UNC79: variants seen among roughly 807,000 people sequenced by gnomAD.
UNC79 encodes protein unc-79 homolog.
A neutral mutation model predicts 283.1 loss-of-function variants in UNC79; 37 were observed. The observed-to-expected ratio is 0.13, with a 90% CI of 0.10 to 0.17. The LOEUF (loss-of-function observed/expected upper bound fraction) is 0.17. UNC79 is among the 10% of genes least tolerant of loss of function. UNC79 has a pLI of 1.00. For synonymous variants in UNC79, 1,107 were observed against 1,200.2 expected (o/e 0.92, Z 1.61); for missense variants, 2,272 against 3,211.1 (o/e 0.71, Z 7.07).
intron 47 of UNC79, 110 bp from the exon 51 acceptor site, chr14:93,704,515 G>T: frequency 7.9e-7 from 1 of 1,262,606 alleles, no homozygotes. Context: ...GCCCACATCC[G>T]TGCGCGACGT....
intron 1 of UNC79, among the ~76,000 whole-genome samples, chr14:93,362,159 C>T (rs1051896572): frequency 6.6e-6 from 1 of 152,040 alleles, no homozygotes; most frequent in Non-Finnish European, 1.5e-5. Flanking sequence ...CTTTTTTCAT[C>T]GTGTCTCACC....
intron 38 of UNC79, among the ~76,000 whole-genome samples, chr14:93,655,653 A>C (rs1002271587): frequency 1.2e-4 from 18 of 146,470 alleles, no homozygotes; most frequent in East Asian, 7.7e-4. Flanking sequence ...TGAAAAAAAA[A>C]AAAAAAAACA....
At chr14:93,602,019 T>C (rs923980641) in intron 25 of UNC79, among the ~76,000 whole-genome samples, 1 of 152,216 alleles carries the variant, frequency 6.6e-6, no homozygotes, top group Non-Finnish European at 1.5e-5. Flanking sequence ...GTCAGATGCA[T>C]AGTTTGCAAA....
chr14:93,494,694 T>C (rs2058937297), intron 5 of UNC79, among the ~76,000 whole-genome samples: 1 of 152,144 alleles, frequency 6.6e-6, no homozygotes, highest in African/African-American at 2.4e-5. Context: ...TGTGGAGTGG[T>C]TCTGTGATTA....
At chr14:93,605,474 T>C (rs2065817088) in intron 26 of UNC79, among the ~76,000 whole-genome samples, 1 of 152,172 alleles carries the variant, frequency 6.6e-6, no homozygotes, top group Non-Finnish European at 1.5e-5. Context: ...CATGATACAG[T>C]TTAATGATCA....
At chr14:93,654,332 A>T (rs758416169) in intron 37 of UNC79, among the ~76,000 whole-genome samples, 6 of 152,046 alleles carry the variant, frequency 3.9e-5, no homozygotes, top group Non-Finnish European at 7.4e-5. Context: ...TCTCTACAAA[A>T]TAAAAATAAA....
At chr14:93,491,232 G>T (rs2058707804) in intron 5 of UNC79, among the ~76,000 whole-genome samples, 1 of 152,000 alleles carries the variant, frequency 6.6e-6, no homozygotes, top group Admixed American at 6.6e-5. Flanking sequence ...GAAGAATTTT[G>T]AGGTGACACA....
At chr14:93,694,207 G>T (rs1308805519) in intron 46 of UNC79, 128 bp from the exon 50 acceptor site, 2 of 654,580 alleles carry the variant, frequency 3.1e-6, no homozygotes, top group Non-Finnish European at 5.1e-6. Context: ...CACTGCCAGT[G>T]GTCTCCTACG....
intron 23 of UNC79, 90 bp downstream of exon 23, chr14:93,593,927 C>A: frequency 7.1e-7 from 1 of 1,400,746 alleles, no homozygotes; most frequent in South Asian, 1.5e-5. Flanking sequence ...CCTTTCTTGT[C>A]CCTTCTTTTT....
At chr14:93,636,683 G>T (rs1399622718) in intron 31 of UNC79, among the ~76,000 whole-genome samples, 1 of 152,060 alleles carries the variant, frequency 6.6e-6, no homozygotes, top group Non-Finnish European at 1.5e-5. Flanking sequence ...TTACTGCTTT[G>T]CCTCATCTTT....
chr14:93,404,493 A>AAAAAAAAAAATAT lies in UNC79; in HGVS notation c.-350-63177_-350-63176insAAAAAAAAATATA. On this transcript the variant is annotated intron_variant, in intron 1 of 49. Transcript: ENST00000256339. Reference sequence around the variant, plus strand: ...TGACAGAGTGAGACCTTCTAAAAAAAATATATATATATATATATATAAATA... The same window carrying AAAAAAAAAAATAT: ...TGACAGAGTGAGACCTTCTAAAAAAAAAAAAAAAAATATATATATATATATATATATATAAATA... Among the ~76,000 whole-genome samples the AAAAAAAAAAATAT allele has an allele frequency of 2.4e-4, 15 of 61,494 alleles. 1 individual carries two copies. The highest frequency in any genetic ancestry group is 1.9e-3 in the East Asian group (7 of 3,606). The allele number at this position is 61,494 out of a possible 152,430, so 40.3% of individuals were successfully genotyped here.
chr14:93,398,792 T>C lies in UNC79; in HGVS notation c.-351+65269T>C, dbSNP rs181419283. The stretch of plus-strand genomic sequence containing the variant: ...GTCTTTATGTAGGAGGAAAAACTGC[T>C]CTTTGAATAATATGTAGGGTTTAGC... On this transcript the variant is annotated intron_variant, in intron 1 of 49. Coordinates refer to the UNC79 transcript ENST00000256339. Among the ~76,000 whole-genome samples, 1,291 of 152,120 alleles carry C rather than the reference T, an allele frequency of 8.5e-3. 9 individuals carry two copies. Among genetic ancestry groups the C allele is most frequent in the Middle Eastern group, 0.017 (5 of 294 alleles).
At chr14:93,610,272 G>T (rs911633004) in intron 26 of UNC79, among the ~76,000 whole-genome samples, 8 of 152,124 alleles carry the variant, frequency 5.3e-5, no homozygotes, top group Non-Finnish European at 1.0e-4. Context: ...TTGATTCTCA[G>T]CACTATAAAA....
intron 1 of UNC79, among the ~76,000 whole-genome samples, chr14:93,464,906 T>G (rs576501742): frequency 6.6e-6 from 1 of 152,330 alleles, no homozygotes; most frequent in South Asian, 2.1e-4. Flanking sequence ...ATTCACATCC[T>G]TGGCACAAGT....
intron 31 of UNC79, among the ~76,000 whole-genome samples, chr14:93,634,198 G>A (rs1003085931): frequency 6.6e-6 from 1 of 152,054 alleles, no homozygotes; most frequent in African/African-American, 2.4e-5. Context: ...TTTGTTATTT[G>A]TCTTAAATCA....
chr14:93,482,432 A>G (rs972993750), intron 4 of UNC79, among the ~76,000 whole-genome samples: 1 of 152,062 alleles, frequency 6.6e-6, no homozygotes, highest in Admixed American at 6.6e-5. Context: ...TCTTCCCTTT[A>G]TGTTTAACTG....
Position 93,688,731 on chromosome 14 carries a change from C to T in UNC79, c.6976C>T (p.Leu2326=). ...CTTTGGGGGACATCTCAAAGTGGGG[C>T]TGGCCCAGATTGCAGCCATGGACAT... Residue 2326 remains leucine (L), a synonymous_variant, in exon 44 of 49, where the codon CTG becomes TTG. Transcript: ENST00000555664. The surrounding 1 kb of genome is among the most constrained non-coding windows in gnomAD (Gnocchi z 4.0). The T allele has an allele frequency of 2.5e-6, 4 of 1,614,108 alleles. No homozygotes were observed. In the South Asian group the frequency reaches 4.4e-5, roughly 18 times the overall value.
chr14:93,415,773 A>G (rs2055440480), intron 1 of UNC79, among the ~76,000 whole-genome samples: 1 of 151,296 alleles, frequency 6.6e-6, no homozygotes, highest in Non-Finnish European at 1.5e-5. Flanking sequence ...CGAGGAATTT[A>G]TCCATTTCTT....
chr14:93,467,576 T>C, intron 1 of UNC79, 95 bp from the exon 2 acceptor site: 1 of 1,182,742 alleles, frequency 8.5e-7, no homozygotes, highest in Non-Finnish European at 1.1e-6. Context: ...TAAAAATGAC[T>C]GTATGCCTAA....
Sources: gnomAD v4.1 joint callset for allele counts (sites outside exome capture counted in the v4.1 genomes callset) on GRCh38, gnomAD v4.1.1 for gene constraint, Gnocchi (gnomAD v3.1) non-coding constraint, MANE v1.5 for transcripts, NCBI Gene and HGNC (gene_info 2026-07-23, HGNC 2026-07-21) for gene names.